NCOA7: variants seen among roughly 807,000 people sequenced by gnomAD.
NCOA7 encodes the protein nuclear receptor coactivator 7.
In NCOA7, 45 loss-of-function variants were observed where a neutral mutation model predicts 104.3. The ratio of observed to expected loss-of-function variants is 0.43; its 90% CI spans 0.34 to 0.55. NCOA7 has a LOEUF of 0.55. NCOA7 is among the 20% of genes least tolerant of loss of function. The pLI is 0.02. For synonymous variants in NCOA7, 398 were observed against 402.3 expected (o/e 0.99, Z 0.13); for missense variants, 1,041 against 1,119.7 (o/e 0.93, Z 1.00).
At chr6:125,802,922 C>T (rs950195495) in intron 1 of NCOA7, among the ~76,000 whole-genome samples, 3 of 152,178 alleles carry the variant, frequency 2.0e-5, no homozygotes, top group East Asian at 3.8e-4. Context: ...GGCATATTCC[C>T]TGCTGCTTAG....
chr6:125,826,220 G>A (rs528799819), intron 2 of NCOA7, among the ~76,000 whole-genome samples: 34 of 152,008 alleles, frequency 2.2e-4, no homozygotes, highest in Admixed American at 1.8e-3. Flanking sequence ...CCAGCTACTC[G>A]GGAGGCTGAG....
chr6:125,918,271 G>A (rs1001860435), intron 11 of NCOA7, among the ~76,000 whole-genome samples: 7 of 152,104 alleles, frequency 4.6e-5, no homozygotes, highest in African/African-American at 1.7e-4. Flanking sequence ...CTCTGTGCCT[G>A]GCAAAGCACC....
intron 2 of NCOA7, among the ~76,000 whole-genome samples, chr6:125,847,340 G>A (rs974043510): frequency 2.0e-5 from 3 of 152,174 alleles, no homozygotes; most frequent in African/African-American, 7.2e-5. Context: ...ACTAGGACAT[G>A]AGTCTAGAAA....
intron 2 of NCOA7, among the ~76,000 whole-genome samples, chr6:125,846,929 T>G (rs1257094077): frequency 6.6e-6 from 1 of 152,244 alleles, no homozygotes; most frequent in Non-Finnish European, 1.5e-5. Context: ...GGTTCCTTAG[T>G]CAACTTAGTA....
intron 2 of NCOA7, among the ~76,000 whole-genome samples, chr6:125,837,733 A>G (rs1779744536): frequency 1.3e-5 from 2 of 152,228 alleles, no homozygotes; most frequent in African/African-American, 4.8e-5. Flanking sequence ...GAGTTCCCTT[A>G]GGAGGCAGCA....
At chr6:125,913,041 C>G (rs1370333810) in intron 10 of NCOA7, among the ~76,000 whole-genome samples, 1 of 152,102 alleles carries the variant, frequency 6.6e-6, no homozygotes, top group Non-Finnish European at 1.5e-5. Flanking sequence ...AAATGTATTT[C>G]TCCCACCCCA....
intron 3 of NCOA7, among the ~76,000 whole-genome samples, chr6:125,870,133 C>A (rs991657413): frequency 3.3e-5 from 5 of 152,110 alleles, no homozygotes; most frequent in African/African-American, 1.2e-4. Context: ...GTGTTGAGAC[C>A]CCCACCCCAG....
At chr6:125,924,533 A>G (rs911974239) in intron 13 of NCOA7, among the ~76,000 whole-genome samples, 1 of 152,254 alleles carries the variant, frequency 6.6e-6, no homozygotes, top group Admixed American at 6.5e-5. Flanking sequence ...ATTATATGAC[A>G]TTCTAATATA....
chr6:125,855,677 A>T (rs1193278935), intron 3 of NCOA7: 1 of 153,444 alleles, frequency 6.5e-6, no homozygotes, highest in African/African-American at 2.4e-5. Context: ...ACAAACAAAA[A>T]AAAACACCTA....
At chr6:125,897,774 G>A (rs373586122) in intron 10 of NCOA7, among the ~76,000 whole-genome samples, 20 of 152,200 alleles carry the variant, frequency 1.3e-4, no homozygotes, top group African/African-American at 4.1e-4. Context: ...CCGTCTCCTG[G>A]CTTCAAGCAA....
chr6:125,903,016 G>C (rs1785645082), intron 10 of NCOA7, among the ~76,000 whole-genome samples: 1 of 152,126 alleles, frequency 6.6e-6, no homozygotes, highest in African/African-American at 2.4e-5. Context: ...GCCTGAGTTA[G>C]GTGCTGCCTT....
chr6:125,785,362 A>G (rs1441046517), intron 1 of NCOA7, among the ~76,000 whole-genome samples: 3 of 152,214 alleles, frequency 2.0e-5, no homozygotes, highest in South Asian at 4.1e-4. Context: ...GTGAGATCTG[A>G]ATAAGCTCTC....
chr6:125,803,211 C>T (rs890061202), intron 1 of NCOA7, among the ~76,000 whole-genome samples: 1 of 152,226 alleles, frequency 6.6e-6, no homozygotes, highest in Non-Finnish European at 1.5e-5. Flanking sequence ...TTAAGACTTT[C>T]CCTACCAGCA....
intron 13 of NCOA7, among the ~76,000 whole-genome samples, chr6:125,923,309 TG>T (rs759909794): frequency 1.5e-4 from 23 of 152,296 alleles, no homozygotes; most frequent in Admixed American, 3.3e-4. Flanking sequence ...GGCCATAGTG[TG>T]TTGTGCCTGA....
chr6:125,901,043 C>T (rs934294545), intron 10 of NCOA7, among the ~76,000 whole-genome samples: 4 of 152,198 alleles, frequency 2.6e-5, no homozygotes, highest in African/African-American at 7.2e-5. Context: ...ATGGAACCCC[C>T]AGAAGTTTTA....
intron 2 of NCOA7, among the ~76,000 whole-genome samples, chr6:125,842,601 C>T (rs544814514): frequency 1.3e-5 from 2 of 152,158 alleles, no homozygotes; most frequent in East Asian, 3.9e-4. Flanking sequence ...GGGAGACTTT[C>T]TTGGCTTTGT....
chr6:125,805,947 G>A (rs1240661061), intron 1 of NCOA7, among the ~76,000 whole-genome samples: 1 of 152,184 alleles, frequency 6.6e-6, no homozygotes, highest in Non-Finnish European at 1.5e-5. Flanking sequence ...CCCTTTTGCA[G>A]ATAAAGAAAC....
At chr6:125,908,031 A>G (rs1786188418) in intron 10 of NCOA7, among the ~76,000 whole-genome samples, 1 of 152,140 alleles carries the variant, frequency 6.6e-6, no homozygotes, top group South Asian at 2.1e-4. Flanking sequence ...ACTCAGTTTA[A>G]AGGGCTGGCC....
At chr6:125,830,013 A>G (rs1779026329) in intron 2 of NCOA7, among the ~76,000 whole-genome samples, 2 of 152,194 alleles carry the variant, frequency 1.3e-5, no homozygotes, top group African/African-American at 4.8e-5. Flanking sequence ...GCCTTTGACA[A>G]ATAGAATGTT....
Sources: gnomAD v4.1 joint callset for allele counts (sites outside exome capture counted in the v4.1 genomes callset) on GRCh38, gnomAD v4.1.1 for gene constraint, MANE v1.5 for transcripts, NCBI Gene and HGNC (gene_info 2026-07-23, HGNC 2026-07-21) for gene names.